The following TMEM108 variants were observed in gnomAD, a reference collection of about 807,000 sequenced individuals.
TMEM108 encodes the protein transmembrane protein 108.
TMEM108 carries 12 observed loss-of-function variants against 35.1 expected under a neutral mutation model. The ratio of observed to expected loss-of-function variants is 0.34; its 90% CI spans 0.22 to 0.55. The LOEUF is 0.55. Among genes scored for constraint, TMEM108 ranks in the 20% least tolerant of loss-of-function variants. The pLI is 0.89. For missense variants in TMEM108, 680 were observed against 753.3 expected (o/e 0.90, Z 1.14); for synonymous variants, 287 against 308.6 (o/e 0.93, Z 0.73).
At chr3:133,327,300 A>G (rs1027916784) in intron 3 of TMEM108, among the ~76,000 whole-genome samples, 5 of 152,216 alleles carry the variant, frequency 3.3e-5, no homozygotes, top group African/African-American at 1.2e-4. Flanking sequence ...TTTTGACCAT[A>G]TTAAAGTTTC....
At chr3:133,195,502 C>G (rs1945563339) in intron 2 of TMEM108, among the ~76,000 whole-genome samples, 1 of 152,124 alleles carries the variant, frequency 6.6e-6, no homozygotes, top group African/African-American at 2.4e-5. Flanking sequence ...TTCCTATTCT[C>G]TTGTAATGCA....
At chr3:133,122,315 T>A (rs750348126) in intron 2 of TMEM108, among the ~76,000 whole-genome samples, 20 of 152,326 alleles carry the variant, frequency 1.3e-4, no homozygotes, top group Non-Finnish European at 2.6e-4. Context: ...GTTTTTGAGG[T>A]ACTAATGTCT....
At chr3:133,256,796 T>C (rs1402695277) in intron 3 of TMEM108, among the ~76,000 whole-genome samples, 2 of 152,132 alleles carry the variant, frequency 1.3e-5, no homozygotes, top group African/African-American at 4.8e-5. Context: ...CAGAAATAAA[T>C]CCAAATGTCA....
At chr3:133,087,377 A>G (rs4854689) in intron 2 of TMEM108, among the ~76,000 whole-genome samples, 25,868 of 152,224 alleles carry the variant, frequency 0.17, 2,769 homozygotes, top group Non-Finnish European at 0.23. Context: ...CCCAGGCTTC[A>G]TGCCTTATAA....
intron 2 of TMEM108, among the ~76,000 whole-genome samples, chr3:133,153,907 C>A (rs1042399617): frequency 6.6e-6 from 1 of 151,952 alleles, no homozygotes; most frequent in African/African-American, 2.4e-5. Context: ...ACTTTGCAGG[C>A]ACTTTACACA....
intron 2 of TMEM108, among the ~76,000 whole-genome samples, chr3:133,207,779 C>A (rs1463214926): frequency 2.0e-5 from 3 of 152,066 alleles, no homozygotes; most frequent in Admixed American, 1.3e-4. Flanking sequence ...ACATTAATAG[C>A]CTAATAAGTC....
intron 5 of TMEM108, among the ~76,000 whole-genome samples, chr3:133,390,920 A>C (rs2073225981): frequency 6.6e-6 from 1 of 152,220 alleles, no homozygotes; most frequent in Non-Finnish European, 1.5e-5. Context: ...CACTGTCAGC[A>C]TATTTGCCCA....
intron 3 of TMEM108, among the ~76,000 whole-genome samples, chr3:133,289,814 A>C (rs924904879): frequency 1.3e-5 from 2 of 152,220 alleles, no homozygotes; most frequent in East Asian, 3.8e-4. Context: ...ACTCGAATCA[A>C]AAACATTTGG....
intron 5 of TMEM108, among the ~76,000 whole-genome samples, chr3:133,391,075 GC>G (rs1296866703): frequency 6.6e-6 from 1 of 152,180 alleles, no homozygotes; most frequent in Non-Finnish European, 1.5e-5. Context: ...ATTAGACACA[GC>G]CTTAATGGGG....
At chr3:133,236,311 T>G (rs1186229551) in intron 3 of TMEM108, among the ~76,000 whole-genome samples, 2 of 152,072 alleles carry the variant, frequency 1.3e-5, no homozygotes, top group African/African-American at 4.8e-5. Context: ...TGTAGGTCCC[T>G]ATCTTAGGAA....
intron 2 of TMEM108, among the ~76,000 whole-genome samples, chr3:133,065,849 A>G (rs1325936408): frequency 6.6e-6 from 1 of 152,154 alleles, no homozygotes; most frequent in African/African-American, 2.4e-5. Context: ...TTTTCAGTAT[A>G]ATCGTTGGGT....
intron 2 of TMEM108, among the ~76,000 whole-genome samples, chr3:133,211,191 TGGG>T (rs1337765230): frequency 1.3e-5 from 2 of 152,174 alleles, no homozygotes; most frequent in Non-Finnish European, 2.9e-5. Context: ...GCATGCCTCT[TGGG>T]TTTAAATGTT....
At chr3:133,207,955 A>G (rs928824613) in intron 2 of TMEM108, among the ~76,000 whole-genome samples, 1 of 152,222 alleles carries the variant, frequency 6.6e-6, no homozygotes, top group Non-Finnish European at 1.5e-5. Context: ...AGCATGTTAC[A>G]ATTGAAAGGG....
intron 3 of TMEM108, among the ~76,000 whole-genome samples, chr3:133,281,095 T>C (rs1044484018): frequency 6.6e-6 from 1 of 152,140 alleles, no homozygotes; most frequent in Non-Finnish European, 1.5e-5. Flanking sequence ...GGGGCATAAA[T>C]ACTATGAAGG....
intron 3 of TMEM108, among the ~76,000 whole-genome samples, chr3:133,273,887 C>T (rs1280903440): frequency 6.6e-6 from 1 of 152,170 alleles, no homozygotes; most frequent in Non-Finnish European, 1.5e-5. Context: ...AACAGTCAGA[C>T]CAAGCAGTCT....
At chr3:133,334,117 G>GA (rs1196389330) in intron 3 of TMEM108, among the ~76,000 whole-genome samples, 15 of 150,022 alleles carry the variant, frequency 1.0e-4, no homozygotes, top group Admixed American at 4.0e-4. Flanking sequence ...TCCTCCTGGG[G>GA]AAAAAAAAAG....
At chr3:133,148,968 G>A (rs1012805159) in intron 2 of TMEM108, among the ~76,000 whole-genome samples, 11 of 152,186 alleles carry the variant, frequency 7.2e-5, no homozygotes, top group African/African-American at 2.7e-4. Context: ...CTGCACTCCA[G>A]CCTGGGTGAC....
At chr3:133,132,425 C>T (rs1252229319) in intron 2 of TMEM108, among the ~76,000 whole-genome samples, 1 of 152,138 alleles carries the variant, frequency 6.6e-6, no homozygotes, top group Non-Finnish European at 1.5e-5. Context: ...ACTATTATTG[C>T]CTGTGCTTTA....
chr3:133,294,394 ATG>A (rs1947114817), intron 3 of TMEM108, among the ~76,000 whole-genome samples: 2 of 152,224 alleles, frequency 1.3e-5, no homozygotes, highest in African/African-American at 4.8e-5. Flanking sequence ...AAAGAAAACT[ATG>A]AGAATACAAA....
Sources: gnomAD v4.1 joint callset for allele counts (sites outside exome capture counted in the v4.1 genomes callset) on GRCh38, gnomAD v4.1.1 for gene constraint, MANE v1.5 for transcripts, NCBI Gene and HGNC (gene_info 2026-07-23, HGNC 2026-07-21) for gene names.